EIF2AK4: variants seen among roughly 807,000 people sequenced by gnomAD.
EIF2AK4 encodes eukaryotic translation initiation factor 2 alpha kinase 4, also known as eIF-2-alpha kinase GCN2.
Under a neutral mutation model 211.1 loss-of-function variants are expected in EIF2AK4, and 139 were observed. That is an observed-to-expected ratio of 0.66 (90% CI 0.57 to 0.76). The LOEUF (loss-of-function observed/expected upper bound fraction) is 0.76, where lower values mean the gene tolerates loss of function less well. Among genes scored for constraint, EIF2AK4 ranks in the 30% least tolerant of loss-of-function variants. The pLI, the probability that EIF2AK4 is intolerant of heterozygous loss-of-function variation, is 0.00. For synonymous variants in EIF2AK4, 710 were observed against 751.3 expected, an observed-to-expected ratio of 0.94 and a Z score of 0.90; for missense variants, 1,664 against 2,043.8, an observed-to-expected ratio of 0.81 and a Z score of 3.58.
chr15:40,024,179 A>C (rs1377124007), intron 32 of EIF2AK4, among the ~76,000 whole-genome samples: 2 of 151,706 alleles, frequency 1.3e-5, no homozygotes, highest in African/African-American at 4.9e-5. Context: ...GTTAGTGTTT[A>C]CGTCACTACC....
At chr15:39,964,285 G>A (rs58089124) in intron 7 of EIF2AK4, among the ~76,000 whole-genome samples, 7 of 152,144 alleles carry the variant, frequency 4.6e-5, no homozygotes, top group East Asian at 1.9e-4. Context: ...AAGATAATTA[G>A]CAATGTCTCT....
chr15:39,940,095 G>T (rs2034124674), intron 2 of EIF2AK4, among the ~76,000 whole-genome samples: 1 of 152,214 alleles, frequency 6.6e-6, no homozygotes, highest in Non-Finnish European at 1.5e-5. Flanking sequence ...AGTGTCCATT[G>T]TGCAGGGCTG....
intron 19 of EIF2AK4, among the ~76,000 whole-genome samples, chr15:39,998,430 G>T (rs376516478): frequency 6.6e-6 from 1 of 151,908 alleles, no homozygotes; most frequent in Non-Finnish European, 1.5e-5. Context: ...GTTAGTCCTT[G>T]CCTCTGTTAC....
chr15:40,000,847 A>G (rs1434960353), intron 20 of EIF2AK4, 141 bp from the exon 21 acceptor site: 13 of 796,844 alleles, frequency 1.6e-5, no homozygotes, highest in Admixed American at 6.5e-5. Context: ...ATAATGACCT[A>G]TTCAGAAATT....
chr15:39,954,110 T>C (rs2034357808), intron 5 of EIF2AK4, 126 bp downstream of exon 5: 1 of 860,418 alleles, frequency 1.2e-6, no homozygotes. Context: ...TAAATAAATA[T>C]TCACTGTGTA....
intron 13 of EIF2AK4, among the ~76,000 whole-genome samples, chr15:39,984,322 CT>C (rs1253510968): frequency 6.6e-6 from 1 of 152,138 alleles, no homozygotes; most frequent in East Asian, 1.9e-4. Context: ...TTAGGATTGT[CT>C]TGGCTATACG....
At chr15:39,982,885 T>C (rs1458640608) in intron 13 of EIF2AK4, among the ~76,000 whole-genome samples, 1 of 152,246 alleles carries the variant, frequency 6.6e-6, no homozygotes, top group African/African-American at 2.4e-5. Context: ...TGTTCTTTTT[T>C]TATGGCTGCA....
rs1239664143 is a variant in EIF2AK4, at chr15:39,937,944, A to G, written c.145-1561A>G. On this transcript the variant is annotated intron_variant, in intron 1 of 38. Transcript: ENST00000263791. ...TGAAATAATTCTCAAATGTATTTCA[A>G]GTCTCTTTTTTTCCTTGCCTGGAAT... Among the ~76,000 whole-genome samples the G allele has an allele frequency of 3.3e-5, 5 of 152,250 alleles. No homozygotes were observed. In the East Asian group the frequency reaches 9.6e-4, roughly 29 times the overall value.
At chr15:39,959,343 C>T (rs780956496) in intron 6 of EIF2AK4, among the ~76,000 whole-genome samples, 16 of 152,216 alleles carry the variant, frequency 1.1e-4, no homozygotes, top group South Asian at 6.2e-4. Context: ...ATCTTTTTGG[C>T]GAAAACAATA....
rs760848269 is a variant in EIF2AK4 at position 39,988,045 on chromosome 15, C to T, written c.2466C>T (p.Thr822=). The T allele has an allele frequency of 8.1e-6, 13 of 1,613,892 alleles. No individual in the cohort carries two copies. Among genetic ancestry groups the T allele is most frequent in the Admixed American group, 5.0e-5 (3 of 59,990 alleles). ...DTIDQGLYRD[T]VRLWRLFREI... is the part of the protein sequence containing the mutation. ...TTGACCAGGGACTGTATCGAGACAC[C>T]GTCAGACTCTGGAGGCTTTTTCGAG... Residue 822 remains threonine, a synonymous_variant, in exon 15 of 39, where the codon ACC becomes ACT. Transcript: ENST00000263791.
chr15:40,002,811 T>C, intron 22 of EIF2AK4, 23 bp downstream of exon 22: 2 of 1,612,698 alleles, frequency 1.2e-6, no homozygotes, highest in Non-Finnish European at 1.7e-6. Flanking sequence ...TTTTTAAAAA[T>C]GATATTTCTT....
Position 39,967,654 on chromosome 15 carries a change from A to C in EIF2AK4, c.1328A>C (p.Asp443Ala), listed in dbSNP as rs1281833996. The C allele has an allele frequency of 2.5e-6, 4 of 1,614,046 alleles. No individual in the cohort carries two copies. The African/African-American group carries it at 5.3e-5, about 22-fold the overall frequency. Residue 443 changes from aspartate (D) to alanine (A), a missense_variant, in exon 9 of 39, where the codon GAC (aspartate) becomes GCC (alanine). By Grantham distance (126) the Asp-to-Ala change is moderately radical. Transcript: ENST00000263791. ...GCAGAAGGCACCGTCAAGATTACGG[A>C]CTATAGCATTTCTAAGCGCCTCGCA... ...VDAEGTVKIT[D>A]YSISKRLADI...
intron 18 of EIF2AK4, among the ~76,000 whole-genome samples, chr15:39,995,034 G>A (rs546742226): frequency 5.3e-5 from 8 of 152,096 alleles, no homozygotes; most frequent in Non-Finnish European, 1.0e-4. Flanking sequence ...TAGAGACAGG[G>A]TTTCACCATG....
Position 39,985,982 on chromosome 15 carries a change from G to A in EIF2AK4, c.2403+94G>A, listed in dbSNP as rs572736370. The A allele has an allele frequency of 3.6e-6, 4 of 1,099,988 alleles. No individual in the cohort carries two copies. In the Admixed American group the frequency reaches 9.2e-5, roughly 25 times the overall value. 68.1% of individuals were successfully genotyped at this position (1,099,988 alleles called of 1,614,324 possible). ...TATTAGAACAAGATAATGGACAGAG[G>A]AGGGCTTATTGCCACTACCAAAGAT... On this transcript the variant is annotated intron_variant, in intron 14 of 38. Coordinates refer to ENST00000263791, the MANE Select transcript of EIF2AK4 (RefSeq NM_001013703.4).
chr15:40,020,541 T>C (rs1328547307), intron 30 of EIF2AK4: 1 of 141,462 alleles, frequency 7.1e-6, no homozygotes, highest in Non-Finnish European at 1.6e-5. Flanking sequence ...TTTATTTATT[T>C]TAGCCGGGCA....
chr15:40,026,144 T>G, intron 33 of EIF2AK4, 55 bp downstream of exon 33: 1 of 1,470,754 alleles, frequency 6.8e-7, no homozygotes, highest in Non-Finnish European at 9.4e-7. Context: ...ATATGGAAAC[T>G]ACGTAAATTT....
chr15:39,952,367 C>T (rs1206937532), intron 4 of EIF2AK4, among the ~76,000 whole-genome samples: 2 of 151,204 alleles, frequency 1.3e-5, no homozygotes, highest in Non-Finnish European at 2.9e-5. Flanking sequence ...CTTAGCTCAC[C>T]GCAGCTCAAG....
rs1338300197 is a variant in EIF2AK4, at chr15:39,976,718, C to G, written c.2123C>G (p.Ser708Trp). 2.5e-6 allele frequency: 4 copies of G among 1,602,880 alleles called. No homozygotes were observed. The African/African-American group carries it at 5.4e-5, about 22-fold the overall frequency. The change falls in exon 12 of 39, where the codon TCG becomes TGG. Residue 708 changes from serine (S) to tryptophan (W), a missense_variant. Coordinates refer to ENST00000263791, the MANE Select transcript of EIF2AK4 (RefSeq NM_001013703.4). ...AAAPPPILSS[S>W]VEWSTSGERS... ...GCGCCGCCACCCATCCTCAGCAGCT[C>G]GGTGGAGTGGAGCACTTCGGGCGAG...
intron 37 of EIF2AK4, 63 bp from the exon 38 acceptor site, chr15:40,034,263 C>T: frequency 1.5e-6 from 2 of 1,316,092 alleles, no homozygotes. Flanking sequence ...ATTAGTGACC[C>T]AGAAAAAACC....
Sources: allele counts gnomAD v4.1 joint callset (sites outside exome capture counted in the v4.1 genomes callset), GRCh38; gene constraint gnomAD v4.1.1; transcripts MANE v1.5; gene names NCBI Gene and HGNC (gene_info 2026-07-23, HGNC 2026-07-21).